Variants in COLEC10 observed in about 807,000 individuals in gnomAD.
COLEC10 encodes the protein collectin subfamily member 10, also known as collectin-10.
COLEC10 carries 22 observed loss-of-function variants against 28.4 expected under a neutral mutation model. That is an observed-to-expected ratio of 0.78 (90% CI 0.55 to 1.11). The LOEUF (loss-of-function observed/expected upper bound fraction) is 1.11. Ranked by LOEUF, COLEC10 falls within the 50% of genes least tolerant of loss-of-function variation. The pLI, the probability that COLEC10 is intolerant of heterozygous loss-of-function variation, is 0.00. For synonymous variants in COLEC10, 125 were observed against 116.1 expected (o/e 1.08, Z -0.49); for missense variants, 361 against 344.1 (o/e 1.05, Z -0.39).
intron 3 of COLEC10, among the ~76,000 whole-genome samples, chr8:119,099,828 C>T (rs1317892492): frequency 6.6e-6 from 1 of 152,168 alleles, no homozygotes. Context: ...TTGCTTCCCT[C>T]TGTTAGTACA....
chr8:118,988,984 T>C, the COLEC10 span, among the ~76,000 whole-genome samples: 1 of 151,964 alleles, frequency 6.6e-6, no homozygotes, highest in African/African-American at 2.4e-5. Flanking sequence ...AACCAACCAA[T>C]GAACAAAAAC....
the COLEC10 span, among the ~76,000 whole-genome samples, chr8:118,989,726 A>ATGTGTGTGTGTGTG: frequency 3.4e-4 from 51 of 151,316 alleles, no homozygotes; most frequent in African/African-American, 9.9e-4. Context: ...AAAAATTTGC[A>ATGTGTGTGTGTGTG]TGTGTGTGTG....
the COLEC10 span, among the ~76,000 whole-genome samples, chr8:118,958,660 G>A: frequency 6.6e-6 from 1 of 152,192 alleles, no homozygotes; most frequent in Non-Finnish European, 1.5e-5. Flanking sequence ...TGGCTCCAGT[G>A]GGGAAACTGA....
At chr8:119,064,535 T>A (rs1814917626), upstream of COLEC10, among the ~76,000 whole-genome samples, 1 of 152,212 alleles carries the variant, frequency 6.6e-6, no homozygotes, top group Non-Finnish European at 1.5e-5. Context: ...AAGTCCAAAC[T>A]CATTTTACAT....
At chr8:119,083,483 A>T (rs1397219052) in intron 1 of COLEC10, among the ~76,000 whole-genome samples, 2 of 152,182 alleles carry the variant, frequency 1.3e-5, no homozygotes, top group Non-Finnish European at 2.9e-5. Flanking sequence ...AAAACTGTGG[A>T]GCTGTTAACT....
the COLEC10 span, among the ~76,000 whole-genome samples, chr8:118,959,036 C>T: frequency 6.6e-6 from 1 of 152,184 alleles, no homozygotes; most frequent in Non-Finnish European, 1.5e-5. Flanking sequence ...GATTCAGTAG[C>T]TCCTTGGCTT....
At chr8:119,041,444 G>C (rs916653841) in intron 2 of COLEC10, among the ~76,000 whole-genome samples, 2 of 152,140 alleles carry the variant, frequency 1.3e-5, no homozygotes, top group African/African-American at 4.8e-5. Flanking sequence ...TAGACAAAAA[G>C]TACTACTGAA....
intron 2 of COLEC10, among the ~76,000 whole-genome samples, chr8:119,039,598 A>G (rs1814456535): frequency 1.3e-5 from 2 of 152,350 alleles, no homozygotes; most frequent in South Asian, 4.1e-4. Flanking sequence ...ACAAATTACC[A>G]TATAATGGCA....
chr8:119,077,698 G>C (rs561388043), intron 1 of COLEC10, among the ~76,000 whole-genome samples: 38 of 152,288 alleles, frequency 2.5e-4, no homozygotes, highest in African/African-American at 8.9e-4. Flanking sequence ...AACTAACTAA[G>C]TGTTATCCTG....
chr8:119,103,802 A>G lies in COLEC10; in HGVS notation c.349A>G (p.Thr117Ala). ...GIPGEKGKAG[T>A]VCDCGRYRKF... ...TCACAGTTTTTGTCATTTAAAAGGT[A>G]CTGTCTGTGATTGTGGAAGATACCG... is the stretch of plus-strand genomic sequence containing the variant. Residue 117 changes from threonine (T) to alanine (A), a missense_variant and splice_region_variant, in exon 5 of 6, where the codon ACT (threonine) becomes GCT (alanine). By Grantham distance (58) the Thr-to-Ala change is moderately conservative. Transcript: ENST00000332843. The G allele has an allele frequency of 2.5e-6, 4 of 1,601,252 alleles. No homozygotes were observed.
chr8:118,993,400 G>A (rs1813537520), upstream of COLEC10, among the ~76,000 whole-genome samples: 5 of 152,104 alleles, frequency 3.3e-5, no homozygotes, highest in South Asian at 1.0e-3. Context: ...TGTTGCCCAG[G>A]CTGGAGTGTG....
upstream of COLEC10, among the ~76,000 whole-genome samples, chr8:119,063,798 A>G (rs1013321021): frequency 6.6e-6 from 1 of 152,158 alleles, no homozygotes; most frequent in Non-Finnish European, 1.5e-5. Flanking sequence ...CTTTAATGAC[A>G]TGTCATATTT....
intron 1 of COLEC10, among the ~76,000 whole-genome samples, chr8:119,070,136 C>A (rs1032349344): frequency 1.3e-5 from 2 of 152,140 alleles, no homozygotes; most frequent in African/African-American, 4.8e-5. Flanking sequence ...TGGAGTCAAT[C>A]TGATTATCTT....
intron 2 of COLEC10, among the ~76,000 whole-genome samples, chr8:119,046,644 C>T (rs1814592176): frequency 6.6e-6 from 1 of 152,244 alleles, no homozygotes; most frequent in Non-Finnish European, 1.5e-5. Flanking sequence ...TGTTTCACTC[C>T]ACACATTTAA....
At chr8:119,085,616 TTTTTTTG>T (rs1328167534) in intron 1 of COLEC10, among the ~76,000 whole-genome samples, 14 of 103,118 alleles carry the variant, frequency 1.4e-4, no homozygotes, top group African/African-American at 4.0e-4. Context: ...TTTTTTTTTT[TTTTTTTG>T]TTGTTGTTGT....
the COLEC10 span, among the ~76,000 whole-genome samples, chr8:118,989,118 T>C: frequency 6.6e-6 from 1 of 152,108 alleles, no homozygotes; most frequent in African/African-American, 2.4e-5. Flanking sequence ...AAAAATAAGA[T>C]AGCAGACGAG....
In COLEC10 at chr8:119,067,460, T is replaced by A. The variant is rs760024770; in HGVS notation, c.148+31T>A. The A allele has an allele frequency of 5.0e-6, 8 of 1,602,890 alleles. No homozygotes were observed. The Admixed American group carries it at 1.2e-4, about 24-fold the overall frequency. ...GAAAGAAAACCACAATTTTCATGTA[T>A]AATAAATATGATATCTTCCCTCATC... On this transcript the variant is annotated intron_variant, in intron 1 of 5. Coordinates refer to ENST00000332843, the MANE Select transcript of COLEC10 (RefSeq NM_006438.5).
At chr8:119,030,638 C>T (rs915426433) in intron 2 of COLEC10, among the ~76,000 whole-genome samples, 1 of 152,222 alleles carries the variant, frequency 6.6e-6, no homozygotes, top group African/African-American at 2.4e-5. Context: ...GAGGTCATAA[C>T]AGCAGTCACT....
chr8:119,049,985 T>A (rs1814649481), intron 2 of COLEC10, among the ~76,000 whole-genome samples: 1 of 152,172 alleles, frequency 6.6e-6, no homozygotes, highest in Non-Finnish European at 1.5e-5. Context: ...CAGACTGAAG[T>A]TGATTGCCTG....
Sources: allele counts gnomAD v4.1 joint callset (sites outside exome capture counted in the v4.1 genomes callset), GRCh38; gene constraint gnomAD v4.1.1; transcripts MANE v1.5; gene names NCBI Gene and HGNC (gene_info 2026-07-23, HGNC 2026-07-21).